Variants in SOX6 observed in about 807,000 individuals in gnomAD.
The protein encoded by SOX6 is transcription factor SOX-6.
Under a neutral mutation model 97.8 loss-of-function variants are expected in SOX6, and 11 were observed. The ratio of observed to expected loss-of-function variants is 0.11; its 90% CI spans 0.07 to 0.19. SOX6 has a LOEUF of 0.19. Ranked by LOEUF, SOX6 falls within the 10% of genes least tolerant of loss-of-function variation. The probability of loss-of-function intolerance (pLI) is 1.00; values close to 1 mark genes in which losing one functional copy is unlikely to be tolerated. For missense variants in SOX6, 810 were observed against 1,039.5 expected, an observed-to-expected ratio of 0.78 and a Z score of 3.04; for synonymous variants, 360 against 371.4, an observed-to-expected ratio of 0.97 and a Z score of 0.35.
At chr11:16,392,004 A>G (rs1323251954) in intron 1 of SOX6, among the ~76,000 whole-genome samples, 3 of 152,138 alleles carry the variant, frequency 2.0e-5, no homozygotes, top group Non-Finnish European at 2.9e-5. Flanking sequence ...CATATATAGT[A>G]CAAAATATTA....
intron 2 of SOX6, among the ~76,000 whole-genome samples, chr11:16,331,348 T>C (rs1003310071): frequency 2.6e-5 from 4 of 152,162 alleles, no homozygotes; most frequent in Non-Finnish European, 4.4e-5. Context: ...TGCAACTCTG[T>C]TGACAGTTAA....
At chr11:16,227,768 T>G (rs1852727778) in intron 4 of SOX6, among the ~76,000 whole-genome samples, 1 of 152,218 alleles carries the variant, frequency 6.6e-6, no homozygotes, top group Non-Finnish European at 1.5e-5. Context: ...TTCTATCCAA[T>G]AAAACTTCAA....
At chr11:16,560,419 G>A (rs780561472) in intron 4 of SOX6, among the ~76,000 whole-genome samples, 9 of 121,282 alleles carry the variant, frequency 7.4e-5, no homozygotes, top group Non-Finnish European at 9.5e-5. Context: ...ACATATATAC[G>A]TACATATGTT....
intron 4 of SOX6, among the ~76,000 whole-genome samples, chr11:16,531,877 G>A (rs1565173646): frequency 6.6e-6 from 1 of 151,782 alleles, no homozygotes; most frequent in African/African-American, 2.4e-5. Context: ...AGAGTCTATT[G>A]TATTTTGTTT....
intron 2 of SOX6, among the ~76,000 whole-genome samples, chr11:16,716,512 T>G (rs776181002): frequency 6.6e-6 from 1 of 152,254 alleles, no homozygotes; most frequent in Non-Finnish European, 1.5e-5. Context: ...TCAAATTTTA[T>G]GGTCTGAGCA....
At chr11:16,595,662 C>A (rs1308846982) in intron 4 of SOX6, among the ~76,000 whole-genome samples, 1 of 150,994 alleles carries the variant, frequency 6.6e-6, no homozygotes, top group Non-Finnish European at 1.5e-5. Context: ...GTAGTCGCAG[C>A]TACTCAGGAG....
rs4329649 is a variant in SOX6, at chr11:16,544,037, C to T, written n.610-67649G>A. Among the ~76,000 whole-genome samples, 475 of 151,706 alleles carry T rather than the reference C, an allele frequency of 3.1e-3. 4 individuals carry two copies. Among genetic ancestry groups the T allele is most frequent in the African/African-American group, 0.011 (448 of 41,322 alleles). On this transcript the variant is annotated intron_variant and non_coding_transcript_variant, in intron 4 of 5. Coordinates refer to the SOX6 transcript ENST00000524520. Reference sequence around the variant, plus strand: ...AGCTACACAATGAAATAGTATTCGCCAATAAAAATAAAGTACTAAAACATG... The same window carrying T: ...AGCTACACAATGAAATAGTATTCGCTAATAAAAATAAAGTACTAAAACATG...
At chr11:16,109,346 G>A (rs1162946073) in intron 7 of SOX6, among the ~76,000 whole-genome samples, 1 of 152,080 alleles carries the variant, frequency 6.6e-6, no homozygotes, top group Non-Finnish European at 1.5e-5. Flanking sequence ...GACTACAGGT[G>A]AACACCACCA....
intron 6 of SOX6, among the ~76,000 whole-genome samples, chr11:16,133,817 TA>T (rs1431709168): frequency 1.3e-5 from 2 of 152,102 alleles, no homozygotes; most frequent in African/African-American, 4.8e-5. Context: ...GCCTCATGAG[TA>T]GCTGGGATGA....
chr11:16,589,010 T>C (rs1052078305), intron 4 of SOX6, among the ~76,000 whole-genome samples: 5 of 152,090 alleles, frequency 3.3e-5, no homozygotes, highest in African/African-American at 4.8e-5. Flanking sequence ...TGTGACAGAG[T>C]GAGACCAATC....
At chr11:16,336,331 T>G (rs1252183331) in intron 2 of SOX6, among the ~76,000 whole-genome samples, 1 of 152,132 alleles carries the variant, frequency 6.6e-6, no homozygotes. Flanking sequence ...GCATTTCTAC[T>G]CGCTTCCCTC....
chr11:16,359,718 G>A (rs1468065157), upstream of SOX6, among the ~76,000 whole-genome samples: 6 of 152,092 alleles, frequency 3.9e-5, no homozygotes, highest in Admixed American at 3.3e-4. Context: ...AGTAGGGAAC[G>A]AAGAGGAGGA....
chr11:16,290,591 C>T (rs984551300), intron 3 of SOX6, among the ~76,000 whole-genome samples: 5 of 151,972 alleles, frequency 3.3e-5, no homozygotes, highest in African/African-American at 4.8e-5. Context: ...TCATTTCTGA[C>T]GAAGTTATAA....
chr11:16,404,716 T>C (rs539878937), intron 1 of SOX6, among the ~76,000 whole-genome samples: 2 of 152,114 alleles, frequency 1.3e-5, no homozygotes, highest in East Asian at 3.9e-4. Context: ...CAAGCCGTTC[T>C]GCTCCTTGCT....
intron 9 of SOX6, among the ~76,000 whole-genome samples, chr11:16,062,245 G>T (rs1035635434): frequency 2.0e-5 from 3 of 151,516 alleles, no homozygotes; most frequent in Non-Finnish European, 4.4e-5. Context: ...GTTAATAACA[G>T]TGTAGTTATT....
intron 4 of SOX6, 22 bp downstream of exon 4, chr11:16,234,560 T>C (rs757674964): frequency 5.1e-6 from 7 of 1,359,366 alleles, no homozygotes; most frequent in Non-Finnish European, 4.2e-6. Flanking sequence ...CATTGACATG[T>C]TCGATATATT....
intron 6 of SOX6, among the ~76,000 whole-genome samples, chr11:16,179,193 G>A (rs1199829823): frequency 6.6e-6 from 1 of 151,792 alleles, no homozygotes; most frequent in Non-Finnish European, 1.5e-5. Context: ...CTCCTTAAAA[G>A]GTGAGAGGAC....
intron 6 of SOX6, among the ~76,000 whole-genome samples, chr11:16,113,291 A>G (rs1293329418): frequency 6.6e-6 from 1 of 152,258 alleles, no homozygotes; most frequent in South Asian, 2.1e-4. Flanking sequence ...TTCATTTCTC[A>G]AGAAAATCAA....
In SOX6 at chr11:16,264,136, A is replaced by C. The variant is rs1369879295; in HGVS notation, c.446-29465T>G. ...TTCTGAAATACACAAATATATGAAA[A>C]GTAGTCACTCAACTACTAATCCCCA... On this transcript the variant is annotated intron_variant, in intron 3 of 15. Coordinates refer to ENST00000683767, the MANE Select transcript of SOX6 (RefSeq NM_001367873.1). Among the ~76,000 whole-genome samples, 3 of 151,968 alleles carry C rather than the reference A, an allele frequency of 2.0e-5. No individual in the cohort carries two copies. The East Asian group carries it at 5.8e-4, about 29-fold the overall frequency.
Sources: allele counts gnomAD v4.1 joint callset (sites outside exome capture counted in the v4.1 genomes callset), GRCh38; gene constraint gnomAD v4.1.1; transcripts MANE v1.5; gene names NCBI Gene and HGNC (gene_info 2026-07-23, HGNC 2026-07-21).